CNOT1: variants seen among roughly 807,000 people sequenced by gnomAD.
CNOT1 encodes CCR4-associated factor 1.
Under a neutral mutation model 273.8 loss-of-function variants are expected in CNOT1, and 15 were observed. That is an observed-to-expected ratio of 0.05 (90% CI 0.04 to 0.08). The LOEUF is 0.08. Ranked by LOEUF, CNOT1 falls within the 10% of genes least tolerant of loss-of-function variation. CNOT1 has a pLI of 1.00. For synonymous variants in CNOT1, 1,022 were observed against 1,005.5 expected, an observed-to-expected ratio of 1.02 and a Z score of -0.31; for missense variants, 1,644 against 2,912.2, an observed-to-expected ratio of 0.56 and a Z score of 10.02.
chr16:58,619,356 A>T (rs1379418737), intron 1 of CNOT1, among the ~76,000 whole-genome samples: 2 of 151,420 alleles, frequency 1.3e-5, no homozygotes, highest in African/African-American at 4.9e-5. Context: ...GCAGAACTGC[A>T]AATTTATTAT....
chr16:58,588,930 T>C lies in CNOT1; in HGVS notation c.103-24A>G, dbSNP rs576453595. 3.8e-6 allele frequency: 6 copies of C among 1,585,264 alleles called. No homozygotes were observed. The East Asian group carries it at 9.1e-5, about 24-fold the overall frequency. ...ATCTAAAATGACCAAAAATAACATGTTTAATAAGGGAAGATAAAACAAAAA... is the reference window on the plus strand; with the variant it reads ...ATCTAAAATGACCAAAAATAACATGCTTAATAAGGGAAGATAAAACAAAAA... On this transcript the variant is annotated intron_variant, in intron 2 of 48. Coordinates refer to ENST00000317147, the MANE Select transcript of CNOT1 (RefSeq NM_016284.5).
At position 58,540,116 on chromosome 16, in the gene CNOT1, T is replaced by C; in HGVS notation, c.4801-157A>G. ...CCTCTTCTTTTCCTTCTTCCTGAGC[T>C]ATTCAGAATTAATACCATCAAGTGG... On this transcript the variant is annotated intron_variant, in intron 34 of 48. Transcript: ENST00000317147. 3 of 687,660 alleles carry C rather than the reference T, an allele frequency of 4.4e-6. No homozygotes were observed. The East Asian group carries it at 8.3e-5, about 19-fold the overall frequency. The allele number at this position is 687,660 out of a possible 1,614,324, so 42.6% of individuals were successfully genotyped here.
At chr16:58,588,014 T>C in intron 3 of CNOT1, 136 bp from the exon 4 acceptor site, 1 of 905,070 alleles carries the variant, frequency 1.1e-6, no homozygotes, top group Non-Finnish European at 1.6e-6. Flanking sequence ...TCTTTAAAAA[T>C]CTCGCCAGGT....
intron 1 of CNOT1, among the ~76,000 whole-genome samples, chr16:58,626,967 C>G (rs1428347859): frequency 1.3e-5 from 2 of 152,024 alleles, no homozygotes; most frequent in African/African-American, 2.4e-5. Flanking sequence ...AGCCACTTGC[C>G]TGGGCCAAAA....
At chr16:58,608,881 A>T (rs942560747) in intron 1 of CNOT1, among the ~76,000 whole-genome samples, 4 of 152,182 alleles carry the variant, frequency 2.6e-5, no homozygotes, top group Admixed American at 2.0e-4. Context: ...ACCAAACATC[A>T]TATGTTCTCA....
chr16:58,597,245 G>A (rs1461531470), intron 2 of CNOT1, among the ~76,000 whole-genome samples: 2 of 151,946 alleles, frequency 1.3e-5, no homozygotes, highest in East Asian at 1.9e-4. Context: ...AAGCCGAGGC[G>A]GGCACATGGC....
rs374730479 is a variant in CNOT1, at chr16:58,599,361, G to A, written c.-24C>T. The A allele has an allele frequency of 2.9e-5, 46 of 1,613,832 alleles. 1 individual carries two copies. The highest frequency in any genetic ancestry group is 2.1e-4 in the South Asian group (19 of 91,076). ...ATTGCTGGTTGGGGCGGAAGCAGGC[G>A]GCCGAGCCCGGCGCAAAATCACCAT... On this transcript the variant is annotated 5_prime_UTR_variant, in exon 2 of 49. Coordinates refer to ENST00000317147, the MANE Select transcript of CNOT1 (RefSeq NM_016284.5).
chr16:58,527,874 G>A, intron 44 of CNOT1: 2 of 244,514 alleles, frequency 8.2e-6, no homozygotes, highest in East Asian at 1.3e-4. Flanking sequence ...CCAGCACTTT[G>A]GGAGGCCGAA....
rs778476565 is a variant in CNOT1, at chr16:58,538,064, G to T, written c.5245-4C>A. ...AGTTTAAGCCATTCTCCATTGACTG[G>T]CAACACAGAAAACATAATGTGAGAG... is the stretch of plus-strand genomic sequence containing the variant. On this transcript the variant is annotated splice_region_variant and splice_polypyrimidine_tract_variant and intron_variant, in intron 37 of 48. Transcript: ENST00000317147. The T allele has an allele frequency of 1.9e-6, 3 of 1,614,132 alleles. No individual in the cohort carries two copies. The highest frequency in any genetic ancestry group is 2.5e-6 in the Non-Finnish European group (3 of 1,180,022).
At chr16:58,528,050 T>C (rs37057) in intron 44 of CNOT1, 109,370 of 409,426 alleles carry the variant, frequency 0.27, 15,860 homozygotes, top group Admixed American at 0.39. Flanking sequence ...GAAGGGGAGG[T>C]TGCAGTAAGC....
intron 1 of CNOT1, among the ~76,000 whole-genome samples, chr16:58,613,106 A>G (rs2042954838): frequency 6.6e-6 from 1 of 152,096 alleles, no homozygotes; most frequent in Middle Eastern, 3.2e-3. Flanking sequence ...ACCTTGGCTC[A>G]CTGTAACCTC....
At chr16:58,623,944 C>T (rs1188433002) in intron 1 of CNOT1, among the ~76,000 whole-genome samples, 4 of 151,746 alleles carry the variant, frequency 2.6e-5, no homozygotes. Flanking sequence ...AAGCCTAGAT[C>T]GTGCCACTGC....
chr16:58,546,563 T>A (rs1044933091), intron 28 of CNOT1, 65 bp from the exon 29 acceptor site: 1 of 1,604,264 alleles, frequency 6.2e-7, no homozygotes, highest in African/African-American at 1.3e-5. Context: ...CATAATATAC[T>A]CTACTTTCAG....
At position 58,613,330 on chromosome 16, in the gene CNOT1, C is replaced by CCTACAAGGACTTTGTTTTTATTT. The variant is rs1271593879; in HGVS notation, c.-174-13820_-174-13819insAAATAAAAACAAAGTCCTTGTAG. 5.0e-3 allele frequency among the ~76,000 whole-genome samples: 675 copies of CCTACAAGGACTTTGTTTTTATTT among 133,724 alleles called. 68 individuals are homozygous for CCTACAAGGACTTTGTTTTTATTT. The highest frequency in any genetic ancestry group is 6.6e-3 in the Non-Finnish European group (379 of 57,664). 87.7% of individuals were successfully genotyped at this position (133,724 alleles called of 152,430 possible). On this transcript the variant is annotated intron_variant, in intron 1 of 48. Coordinates refer to ENST00000317147, the MANE Select transcript of CNOT1 (RefSeq NM_016284.5). Reference sequence around the variant, plus strand: ...TACAGGCTTGAGTCACCACGCCTGGCTTAGAGGTTAAGTCTAAAACAAGCA... The same window carrying CCTACAAGGACTTTGTTTTTATTT: ...TACAGGCTTGAGTCACCACGCCTGGCCTACAAGGACTTTGTTTTTATTTTTAGAGGTTAAGTCTAAAACAAGCA...
At chr16:58,629,344 G>A (rs1285985164) in intron 1 of CNOT1, among the ~76,000 whole-genome samples, 3 of 152,238 alleles carry the variant, frequency 2.0e-5, no homozygotes, top group Non-Finnish European at 2.9e-5. Flanking sequence ...CAGTAGTTAA[G>A]GAGGTCGTGG....
chr16:58,560,479 C>G (rs945227932), intron 16 of CNOT1, 117 bp from the exon 17 acceptor site: 2 of 1,456,608 alleles, frequency 1.4e-6, no homozygotes, highest in African/African-American at 2.9e-5. Flanking sequence ...GTCACCCAGA[C>G]TGGAGTGCAG....
chr16:58,574,677 C>T lies in CNOT1; in HGVS notation c.1911G>A (p.Gln637=), dbSNP rs768737656. The T allele has an allele frequency of 6.2e-7, 1 of 1,610,006 alleles. No homozygotes were observed. The highest frequency in any genetic ancestry group is 1.1e-5 in the South Asian group (1 of 90,578). ...ILGGLAPEKD[Q]PKSAQLPPET... ...CTGGAGGAAGTTGAGCACTTTTGGG[C>T]TGGTCTTTTTCTGGGGCAAGTCCGC... The change falls in exon 16 of 49, where the codon CAG becomes CAA. Residue 637 remains glutamine, a synonymous_variant. Transcript: ENST00000317147.
At chr16:58,583,364 A>T (rs55788780) in intron 8 of CNOT1, among the ~76,000 whole-genome samples, 182 bp from the exon 9 acceptor site, 1 of 152,226 alleles carries the variant, frequency 6.6e-6, no homozygotes, top group South Asian at 2.1e-4. Flanking sequence ...CTACTTCAGT[A>T]AGAAAATGGC....
At chr16:58,576,902 CAAG>C (rs1012610274) in intron 13 of CNOT1, among the ~76,000 whole-genome samples, 31 of 152,266 alleles carry the variant, frequency 2.0e-4, no homozygotes, top group African/African-American at 7.2e-4. Context: ...GAGGTTACAT[CAAG>C]TTTATATAAT....
Sources: allele counts gnomAD v4.1 joint callset (sites outside exome capture counted in the v4.1 genomes callset), GRCh38; gene constraint gnomAD v4.1.1; transcripts MANE v1.5; gene names NCBI Gene and HGNC (gene_info 2026-07-23, HGNC 2026-07-21).